DENND1B: variants seen among roughly 807,000 people sequenced by gnomAD.
DENND1B encodes DENN domain containing 1B.
In DENND1B, 59 loss-of-function variants were observed where a neutral mutation model predicts 90.1. The ratio of observed to expected loss-of-function variants is 0.65; its 90% CI spans 0.53 to 0.81. DENND1B has a LOEUF of 0.81. Ranked by LOEUF, DENND1B falls within the 40% of genes least tolerant of loss-of-function variation. The pLI, the probability that DENND1B is intolerant of heterozygous loss-of-function variation, is 0.00. For synonymous variants in DENND1B, 337 were observed against 324.6 expected (o/e 1.04, Z -0.41); for missense variants, 862 against 912.6 (o/e 0.94, Z 0.71).
chr1:197,664,010 T>C (rs199922271), intron 5 of DENND1B, among the ~76,000 whole-genome samples: 3 of 149,464 alleles, frequency 2.0e-5, no homozygotes, highest in African/African-American at 7.3e-5. Flanking sequence ...AACACACACA[T>C]ACACACACAC....
chr1:197,752,680 A>C (rs1653719498), intron 2 of DENND1B, among the ~76,000 whole-genome samples: 1 of 151,906 alleles, frequency 6.6e-6, no homozygotes, highest in Admixed American at 6.6e-5. Flanking sequence ...TCTAGGGTAC[A>C]TGTACACAAC....
At chr1:197,750,610 A>ATAGATAGG (rs1224090299) in intron 2 of DENND1B, among the ~76,000 whole-genome samples, 1 of 152,104 alleles carries the variant, frequency 6.6e-6, no homozygotes, top group Non-Finnish European at 1.5e-5. Context: ...AGATAGATAG[A>ATAGATAGG]TAAAGATATA....
At chr1:197,540,597 G>A (rs567720835) in intron 19 of DENND1B, among the ~76,000 whole-genome samples, 2 of 152,030 alleles carry the variant, frequency 1.3e-5, no homozygotes, top group South Asian at 4.1e-4. Context: ...CAAAACAAAT[G>A]CTGGCATTCC....
intron 11 of DENND1B, 68 bp downstream of exon 11, chr1:197,617,591 T>C (rs1046420180): frequency 1.7e-6 from 2 of 1,169,842 alleles, no homozygotes; most frequent in African/African-American, 3.1e-5. Context: ...GTTTACCTAG[T>C]TCACAAATAA....
chr1:197,576,041 T>G (rs1673651278), intron 15 of DENND1B, among the ~76,000 whole-genome samples: 1 of 151,570 alleles, frequency 6.6e-6, no homozygotes, highest in East Asian at 1.9e-4. Context: ...GTAACAAACC[T>G]GCACATTGTG....
At chr1:197,513,234 C>A (rs1182071829) in intron 20 of DENND1B, among the ~76,000 whole-genome samples, 1 of 151,066 alleles carries the variant, frequency 6.6e-6, no homozygotes, top group African/African-American at 2.4e-5. Context: ...CATAGACTTT[C>A]AGGCCCTGAT....
intron 16 of DENND1B, among the ~76,000 whole-genome samples, chr1:197,549,240 T>G (rs1410888448): frequency 1.3e-5 from 2 of 152,144 alleles, no homozygotes; most frequent in Non-Finnish European, 2.9e-5. Context: ...TGTACTTGCT[T>G]AAATTCCAGT....
intron 2 of DENND1B, among the ~76,000 whole-genome samples, chr1:197,755,108 A>G (rs1007396729): frequency 6.6e-6 from 1 of 152,194 alleles, no homozygotes; most frequent in African/African-American, 2.4e-5. Context: ...CTGTAATTCC[A>G]GGCAAGTCTC....
chr1:197,748,498 AG>A (rs1313911255), intron 2 of DENND1B, among the ~76,000 whole-genome samples: 6 of 152,180 alleles, frequency 3.9e-5, no homozygotes, highest in Non-Finnish European at 7.3e-5. Context: ...ACCTTAAAAT[AG>A]GGAGCATATC....
chr1:197,701,542 C>T (rs1014380746), intron 3 of DENND1B, among the ~76,000 whole-genome samples: 4 of 151,520 alleles, frequency 2.6e-5, no homozygotes, highest in Admixed American at 6.6e-5. Context: ...TTGTATCCCC[C>T]CCTTCCCCGG....
intron 14 of DENND1B, among the ~76,000 whole-genome samples, chr1:197,590,889 C>T (rs1310815056): frequency 6.6e-6 from 1 of 152,126 alleles, no homozygotes; most frequent in Non-Finnish European, 1.5e-5. Context: ...TGGTCTTGCT[C>T]AACTTTGATC....
chr1:197,758,949 G>A (rs1654650447), intron 2 of DENND1B, among the ~76,000 whole-genome samples: 1 of 144,122 alleles, frequency 6.9e-6, no homozygotes, highest in Non-Finnish European at 1.5e-5. Flanking sequence ...AAAGAATAGA[G>A]TACTTCATTA....
the DENND1B span, among the ~76,000 whole-genome samples, chr1:197,781,694 C>T: frequency 1.3e-5 from 2 of 152,118 alleles, no homozygotes; most frequent in African/African-American, 2.4e-5. Flanking sequence ...TGTTTCACAC[C>T]TCAAAGCTCA....
upstream of DENND1B, among the ~76,000 whole-genome samples, chr1:197,779,456 A>G (rs555393617): frequency 3.4e-4 from 52 of 151,988 alleles, no homozygotes; most frequent in Non-Finnish European, 6.5e-4. Flanking sequence ...GGTGACTTTC[A>G]TCAGTTCTGG....
intron 6 of DENND1B, among the ~76,000 whole-genome samples, chr1:197,654,218 C>T (rs557296111): frequency 1.1e-3 from 173 of 152,164 alleles, no homozygotes; most frequent in Middle Eastern, 3.4e-3. Context: ...CATTTAAATC[C>T]TATTTATATA....
At chr1:197,673,333 A>T (rs888566908) in intron 4 of DENND1B, among the ~76,000 whole-genome samples, 1 of 152,010 alleles carries the variant, frequency 6.6e-6, no homozygotes, top group African/African-American at 2.4e-5. Context: ...ATCATTCATC[A>T]ACAATGCTTA....
intron 3 of DENND1B, among the ~76,000 whole-genome samples, chr1:197,677,019 C>CT (rs1440675038): frequency 1.3e-5 from 2 of 151,978 alleles, no homozygotes; most frequent in Non-Finnish European, 2.9e-5. Flanking sequence ...AAAAAAAACA[C>CT]TAACGTTTAC....
chr1:197,636,136 T>A (rs183355431), intron 10 of DENND1B, among the ~76,000 whole-genome samples: 13 of 152,210 alleles, frequency 8.5e-5, no homozygotes, highest in African/African-American at 2.9e-4. Context: ...GAGTAACCAA[T>A]AGATTTTTTT....
intron 20 of DENND1B, among the ~76,000 whole-genome samples, chr1:197,513,382 C>T (rs1190569333): frequency 6.6e-6 from 1 of 151,646 alleles, no homozygotes; most frequent in Non-Finnish European, 1.5e-5. Context: ...TAAAGCTGTG[C>T]TTCTCAAATC....
Sources: allele counts gnomAD v4.1 joint callset (sites outside exome capture counted in the v4.1 genomes callset), GRCh38; gene constraint gnomAD v4.1.1; transcripts MANE v1.5; gene names NCBI Gene and HGNC (gene_info 2026-07-23, HGNC 2026-07-21).